Variants in DSC3 observed in about 807,000 individuals in gnomAD.
DSC3 encodes desmocollin-3.
In DSC3, 97 loss-of-function variants were observed where a neutral mutation model predicts 89.5. That is an observed-to-expected ratio of 1.08 (90% CI 0.92 to 1.28). The LOEUF is 1.28. Ranked by LOEUF, DSC3 falls within the 50% of genes most tolerant of loss-of-function variation. DSC3 has a pLI of 0.00. For synonymous variants in DSC3, 436 were observed against 384.1 expected, an observed-to-expected ratio of 1.14 and a Z score of -1.58; for missense variants, 1,199 against 1,085.3, an observed-to-expected ratio of 1.10 and a Z score of -1.47.
Position 30,997,026 on chromosome 18 carries a change from G to T in DSC3, c.2258C>A (p.Thr753Asn). The change falls in exon 15 of 16, where the codon ACC becomes AAC. Residue 753 changes from threonine to asparagine, a missense_variant. By Grantham distance (65) the Thr-to-Asn change is moderately conservative (BLOSUM62 0). Coordinates refer to ENST00000360428, the MANE Select transcript of DSC3 (RefSeq NM_001941.5). ...DRVCSANGFM[T>N]QTTNNSSQGF... The stretch of plus-strand genomic sequence containing the variant: ...TTGGCTAGAGTTGTTGGTAGTTTGG[G>T]TCATAAATCCATTGGCAGAGCACTG... 1.2e-6 allele frequency: 2 copies of T among 1,614,108 alleles called. No individual in the cohort carries two copies. Among genetic ancestry groups the T allele is most frequent in the Non-Finnish European group, 1.7e-6 (2 of 1,180,020 alleles).
chr18:31,042,207 C>G (rs1986155984), intron 1 of DSC3, among the ~76,000 whole-genome samples: 1 of 152,132 alleles, frequency 6.6e-6, no homozygotes, highest in Non-Finnish European at 1.5e-5. Context: ...GTGCTTTGAG[C>G]TCTCAGGGAT....
At position 30,989,649 on chromosome 18, in the gene DSC3, A is replaced by C. The variant is rs1039145138; in HGVS notation, c.*4526T>G. ...TATGAATTTTACCATTTTTTAAGTAAAGGGAAAAGAAGGTTCTGAGATTCA... is the reference window on the plus strand; with the variant it reads ...TATGAATTTTACCATTTTTTAAGTACAGGGAAAAGAAGGTTCTGAGATTCA... On this transcript the variant is annotated 3_prime_UTR_variant, in exon 16 of 16. Coordinates refer to ENST00000360428, the MANE Select transcript of DSC3 (RefSeq NM_001941.5). Among the ~76,000 whole-genome samples, 3 of 152,324 alleles carry C rather than the reference A, an allele frequency of 2.0e-5. No homozygotes were observed. The highest frequency in any genetic ancestry group is 2.1e-4 in the South Asian group (1 of 4,822).
At chr18:31,025,559 G>A (rs763853215) in intron 5 of DSC3, among the ~76,000 whole-genome samples, 4 of 152,042 alleles carry the variant, frequency 2.6e-5, no homozygotes, top group Admixed American at 6.6e-5. Context: ...GAACCTCTTT[G>A]CTTCATTTCA....
intron 9 of DSC3, among the ~76,000 whole-genome samples, chr18:31,008,848 C>T (rs1462027757): frequency 6.6e-6 from 1 of 152,118 alleles, no homozygotes; most frequent in Non-Finnish European, 1.5e-5. Flanking sequence ...TATGGTCCTG[C>T]TTGGAGCACT....
In DSC3 at chr18:30,991,489, G is replaced by A. The variant is rs1206941034; in HGVS notation, c.*2686C>T. On this transcript the variant is annotated 3_prime_UTR_variant, in exon 16 of 16. Coordinates refer to ENST00000360428, the MANE Select transcript of DSC3 (RefSeq NM_001941.5). ...ATTCGGGCATACATGCAGACCAGGT[G>A]GTTTTCAGCATGTTCAAAGAACAAA... 6.6e-6 allele frequency: 1 copy of A among 152,280 alleles called. No homozygotes were observed. The highest frequency in any genetic ancestry group is 6.5e-5 in the Admixed American group (1 of 15,292). 9.4% of individuals were successfully genotyped at this position (152,280 alleles called of 1,614,324 possible).
intron 4 of DSC3, among the ~76,000 whole-genome samples, chr18:31,028,359 T>G (rs1229057700): frequency 6.6e-6 from 1 of 152,096 alleles, no homozygotes; most frequent in Non-Finnish European, 1.5e-5. Flanking sequence ...CTATGTCAAA[T>G]GTAAATATGT....
rs1984936997 is a variant in DSC3 at position 31,008,364 on chromosome 18, G to A, written c.1425C>T (p.Ala475=). 1.2e-6 allele frequency: 2 copies of A among 1,613,854 alleles called. No individual in the cohort carries two copies. The highest frequency in any genetic ancestry group is 1.7e-6 in the Non-Finnish European group (2 of 1,180,002). Residue 475 remains alanine, a synonymous_variant, in exon 10 of 16, where the codon GCC becomes GCT. Transcript: ENST00000360428. Reference sequence around the variant, plus strand: ...AGTTTTCTTTAATCCGCACATATTGGGCTGCAGGAGTGCATTCAGGCCCCT... The same window carrying A: ...AGTTTTCTTTAATCCGCACATATTGAGCTGCAGGAGTGCATTCAGGCCCCT... ...LDEGPECTPA[A]QYVRIKENLA...
At chr18:31,041,935 CA>C (rs1184707330) in intron 1 of DSC3, among the ~76,000 whole-genome samples, 1 of 152,138 alleles carries the variant, frequency 6.6e-6, no homozygotes, top group Admixed American at 6.5e-5. Context: ...AACACGACCC[CA>C]ACCCCCATTC....
At chr18:31,029,739 G>C in intron 3 of DSC3, 111 bp from the exon 4 acceptor site, 2 of 1,395,366 alleles carry the variant, frequency 1.4e-6, no homozygotes, top group Non-Finnish European at 2.0e-6. Context: ...TTCAGTGTCA[G>C]GCATTTCCAT....
chr18:31,023,970 G>T (rs1422110919), intron 6 of DSC3, among the ~76,000 whole-genome samples: 3 of 151,900 alleles, frequency 2.0e-5, no homozygotes, highest in African/African-American at 7.2e-5. Context: ...CTAAATAAAA[G>T]CTCAAAGAAA....
At chr18:31,000,426 A>G (rs769207901) in intron 14 of DSC3, among the ~76,000 whole-genome samples, 3 of 152,102 alleles carry the variant, frequency 2.0e-5, no homozygotes, top group African/African-American at 7.2e-5. Context: ...TGATCCCCCT[A>G]CTGACTCAGC....
Position 30,996,004 on chromosome 18 carries a change from A to AAAAG in DSC3, c.2493+786_2493+787insCTTT, listed in dbSNP as rs1380162048. 2.7e-3 allele frequency among the ~76,000 whole-genome samples: 395 copies of AAAAG among 143,682 alleles called. 17 individuals carry two copies. The highest frequency in any genetic ancestry group is 0.011 in the African/African-American group (378 of 35,440). 94.3% of individuals were successfully genotyped at this position (143,682 alleles called of 152,430 possible). ...AAAAAAAAAAAAAAAAAAAAAGAAAAGAAAGAAAAAAGCTTCTGCTTCATA... is the reference window on the plus strand; with the variant it reads ...AAAAAAAAAAAAAAAAAAAAAGAAAAAAAGGAAAGAAAAAAGCTTCTGCTTCATA... On this transcript the variant is annotated intron_variant, in intron 15 of 15. Transcript: ENST00000360428.
Position 31,032,184 on chromosome 18 carries a change from T to G in DSC3, c.154+8A>C, listed in dbSNP as rs746679220. ...TTCTGCTTTAAAAAGACTTTTAAAA[T>G]TTCTCACCTCTGCCAATTATTTTGT... On this transcript the variant is annotated splice_region_variant and intron_variant, in intron 2 of 15. Coordinates refer to ENST00000360428, the MANE Select transcript of DSC3 (RefSeq NM_001941.5). 6.2e-7 allele frequency: 1 copy of G among 1,601,460 alleles called. No individual in the cohort carries two copies. The highest frequency in any genetic ancestry group is 1.7e-5 in the Admixed American group (1 of 60,014).
chr18:31,006,857 A>G (rs1276474724), intron 12 of DSC3, 50 bp downstream of exon 12: 3 of 1,389,484 alleles, frequency 2.2e-6, no homozygotes, highest in African/African-American at 2.9e-5. Flanking sequence ...TCTATCCTCC[A>G]GTTATTCTGT....
rs762940104 is a variant in DSC3 at position 30,994,189 on chromosome 18, A to G, written c.2677T>C (p.Cys893Arg). The G allele has an allele frequency of 2.5e-6, 4 of 1,613,944 alleles. No homozygotes were observed. The highest frequency in any genetic ancestry group is 3.4e-6 in the Non-Finnish European group (4 of 1,179,970). The part of the protein sequence containing the change: ...EPKFITLAEA[C>R]TKR ...GCACTGTGACATTATCTCTTTGTGC[A>G]TGCTTCTGCTAATGTAATAAATTTG... Residue 893 changes from cysteine to arginine, a missense_variant, in exon 16 of 16, where the codon TGC becomes CGC. By Grantham distance (180) the Cys-to-Arg change is radical (BLOSUM62 -3). Coordinates refer to ENST00000360428, the MANE Select transcript of DSC3 (RefSeq NM_001941.5).
intron 7 of DSC3, 126 bp downstream of exon 7, chr18:31,022,210 G>T: frequency 8.6e-7 from 1 of 1,162,738 alleles, no homozygotes; most frequent in South Asian, 1.5e-5. Flanking sequence ...AAATTGTTAG[G>T]AATTCTTATT....
chr18:31,001,802 T>C, intron 13 of DSC3, 63 bp from the exon 14 acceptor site: 1 of 1,321,234 alleles, frequency 7.6e-7, no homozygotes, highest in South Asian at 1.5e-5. Context: ...ATAATCATCA[T>C]TTATTTCTTA....
In DSC3 at chr18:30,990,613, T is replaced by C. The variant is rs1984201862; in HGVS notation, c.*3562A>G. On this transcript the variant is annotated 3_prime_UTR_variant, in exon 16 of 16. Coordinates refer to ENST00000360428, the MANE Select transcript of DSC3 (RefSeq NM_001941.5). ...CACTGTGAAGCACAGAGCACCTTTA[T>C]GGTTGGATCATCTTGTCATTAAAGT... is the stretch of plus-strand genomic sequence containing the variant. The C allele has an allele frequency of 6.6e-6, 1 of 152,244 alleles. No individual in the cohort carries two copies. Among genetic ancestry groups the C allele is most frequent in the Non-Finnish European group, 1.5e-5 (1 of 68,046 alleles). The allele number at this position is 152,244 out of a possible 1,614,324, so 9.4% of individuals were successfully genotyped here.
chr18:31,008,407 T>C lies in DSC3; in HGVS notation c.1382A>G (p.His461Arg), dbSNP rs370505135. The change falls in exon 10 of 16, where the codon CAT becomes CGT. Residue 461 changes from histidine (H) to arginine (R), a missense_variant. By Grantham distance (29) the His-to-Arg change is conservative (BLOSUM62 0). Coordinates refer to ENST00000360428, the MANE Select transcript of DSC3 (RefSeq NM_001941.5). Reference sequence around the variant, plus strand: ...AGGCCCCTCATCCAGATCCCTCACATGAACTGTAACCAAGGCTCTGTTCAA... The same window carrying C: ...AGGCCCCTCATCCAGATCCCTCACACGAACTGTAACCAAGGCTCTGTTCAA... ...TALNRALVTVHVRDLDEGPEC... is the reference protein window; with the variant it reads ...TALNRALVTVRVRDLDEGPEC... The C allele has an allele frequency of 5.0e-6, 8 of 1,614,054 alleles. No homozygotes were observed. In the African/African-American group the frequency reaches 8.0e-5, roughly 16 times the overall value.
Sources: gnomAD v4.1 joint callset for allele counts (sites outside exome capture counted in the v4.1 genomes callset) on GRCh38, gnomAD v4.1.1 for gene constraint, MANE v1.5 for transcripts, NCBI Gene and HGNC (gene_info 2026-07-23, HGNC 2026-07-21) for gene names.